Variants in PLSCR1 observed in about 807,000 individuals in gnomAD.
PLSCR1 encodes the protein phospholipid scramblase 1.
PLSCR1 carries 17 observed loss-of-function variants against 37.8 expected under a neutral mutation model. The observed-to-expected ratio is 0.45, with a 90% CI of 0.31 to 0.68. PLSCR1 has a LOEUF of 0.68. Ranked by LOEUF, PLSCR1 falls within the 30% of genes least tolerant of loss-of-function variation. PLSCR1 has a pLI of 0.06. For missense variants in PLSCR1, 347 were observed against 380.9 expected (o/e 0.91, Z 0.74); for synonymous variants, 116 against 125.9 (o/e 0.92, Z 0.53).
chr3:146,525,316 T>G (rs946610639), intron 5 of PLSCR1, among the ~76,000 whole-genome samples: 3 of 152,218 alleles, frequency 2.0e-5, no homozygotes, highest in African/African-American at 7.2e-5. Context: ...GCTTAAGTGG[T>G]AGAAGTCAGA....
chr3:146,532,724 G>T (rs1361800643), intron 3 of PLSCR1, among the ~76,000 whole-genome samples: 1 of 152,166 alleles, frequency 6.6e-6, no homozygotes, highest in Non-Finnish European at 1.5e-5. Context: ...GATGTGGGTA[G>T]CCTGTCTGCT....
intron 1 of PLSCR1, among the ~76,000 whole-genome samples, chr3:146,538,503 T>C (rs1050640022): frequency 1.3e-5 from 2 of 152,156 alleles, no homozygotes; most frequent in Non-Finnish European, 2.9e-5. Flanking sequence ...AGTCTTTACC[T>C]GCCCCTTGCT....
At chr3:146,523,688 G>GGGAACACAGAATATCTAGACCA (rs2044065581) in intron 5 of PLSCR1, among the ~76,000 whole-genome samples, 1 of 152,008 alleles carries the variant, frequency 6.6e-6, no homozygotes, top group African/African-American at 2.4e-5. Context: ...TATCTAGACC[G>GGGAACACAGAATATCTAGACCA]TGGGAATCCT....
chr3:146,527,352 T>C (rs2044131999), intron 4 of PLSCR1, among the ~76,000 whole-genome samples: 1 of 152,210 alleles, frequency 6.6e-6, no homozygotes, highest in East Asian at 1.9e-4. Context: ...TTCTCAACAC[T>C]AAGAAATGAT....
chr3:146,522,001 T>TTTA lies in PLSCR1; in HGVS notation c.407_408insTAA (p.Gly136_Gln137insLys). ...CTTCCGCTGCAAAGTAAACCCTCTG[T>TTTA]CCAAAGCTGTTCTTAATTTCATATT... On this transcript the variant is annotated inframe_insertion, in exon 6 of 9. Transcript: ENST00000342435. 2 of 1,613,150 alleles carry TTTA rather than the reference T, an allele frequency of 1.2e-6. No individual in the cohort carries two copies. The highest frequency in any genetic ancestry group is 1.7e-6 in the Non-Finnish European group (2 of 1,179,086).
chr3:146,520,236 C>G (rs914947224), intron 7 of PLSCR1: 1 of 151,916 alleles, frequency 6.6e-6, no homozygotes, highest in Non-Finnish European at 1.5e-5. Flanking sequence ...TTTAAGGTAT[C>G]CATCAAGAAA....
rs761394661 is a variant in PLSCR1, at chr3:146,533,484, G to A, written c.80C>T (p.Pro27Leu). 1.7e-5 allele frequency: 27 copies of A among 1,593,912 alleles called. No individual in the cohort carries two copies. In the East Asian group the frequency reaches 1.8e-4, roughly 11 times the overall value. ...LPVGYPPQYP[P>L]TAFQGPPGYS... ...AACTGCTTTACCTTGGAATGCTGTC[G>A]GTGGATACTGAGGAGGATACCCAAC... is the stretch of plus-strand genomic sequence containing the variant. Residue 27 changes from proline (P) to leucine (L), a missense_variant, in exon 3 of 9, where the codon CCG becomes CTG. By Grantham distance (98) the Pro-to-Leu change is moderately conservative. Transcript: ENST00000342435.
chr3:146,525,555 C>T (rs764088348), intron 5 of PLSCR1, 50 bp downstream of exon 5: 2 of 943,554 alleles, frequency 2.1e-6, no homozygotes, highest in East Asian at 2.4e-5. Flanking sequence ...CCTTTATCTG[C>T]ATAAACTTCT....
chr3:146,534,987 C>T (rs1293820868), intron 2 of PLSCR1, among the ~76,000 whole-genome samples: 1 of 152,128 alleles, frequency 6.6e-6, no homozygotes, highest in Non-Finnish European at 1.5e-5. Context: ...CATCACAAAT[C>T]TCTGAAACTC....
intron 2 of PLSCR1, among the ~76,000 whole-genome samples, chr3:146,535,809 A>G (rs958296224): frequency 6.6e-6 from 1 of 152,198 alleles, no homozygotes; most frequent in Non-Finnish European, 1.5e-5. Flanking sequence ...CAAGGAGTCT[A>G]GTCCTGGAGA....
At chr3:146,518,058 C>T (rs2043970557) in intron 7 of PLSCR1, among the ~76,000 whole-genome samples, 1 of 152,172 alleles carries the variant, frequency 6.6e-6, no homozygotes. Flanking sequence ...AAATAAACAT[C>T]TAATATGAAG....
chr3:146,532,349 G>A (rs897916670), intron 3 of PLSCR1, among the ~76,000 whole-genome samples: 1 of 152,170 alleles, frequency 6.6e-6, no homozygotes, highest in African/African-American at 2.4e-5. Context: ...CTTCACCTTA[G>A]AATCACTTGG....
chr3:146,541,058 G>C (rs1030050898), intron 1 of PLSCR1: 2 of 152,084 alleles, frequency 1.3e-5, no homozygotes, highest in African/African-American at 4.8e-5. Context: ...GTGAGGCTTT[G>C]AGTATACAGC....
chr3:146,536,860 T>A (rs2044272194), intron 1 of PLSCR1: 1 of 270,660 alleles, frequency 3.7e-6, no homozygotes, highest in Non-Finnish European at 7.1e-6. Flanking sequence ...CACTATGAGC[T>A]AAGACTCCAA....
At chr3:146,516,895 T>G in intron 8 of PLSCR1, 111 bp downstream of exon 8, 2 of 774,070 alleles carry the variant, frequency 2.6e-6, no homozygotes, top group Non-Finnish European at 4.1e-6. Flanking sequence ...GAATCCTGAT[T>G]TAAAATCTAT....
chr3:146,544,132 G>A (rs1231396077), intron 1 of PLSCR1, among the ~76,000 whole-genome samples: 2 of 152,214 alleles, frequency 1.3e-5, no homozygotes, highest in African/African-American at 4.8e-5. Flanking sequence ...GTGTAGCTAA[G>A]GGGAAGCTGA....
At chr3:146,524,522 CAT>C (rs1474565661) in intron 5 of PLSCR1, among the ~76,000 whole-genome samples, 1 of 151,600 alleles carries the variant, frequency 6.6e-6, no homozygotes, top group African/African-American at 2.4e-5. Context: ...ATAATTAACA[CAT>C]ATTTAACAAA....
At position 146,539,753 on chromosome 3, in the gene PLSCR1, G is replaced by A. The variant is rs539627802; in HGVS notation, c.-13-3188C>T. ...CAAAACTACTGCAGTATAAAATCTG[G>A]GTCTTTGCTTTACTATAGGTTTTAG... On this transcript the variant is annotated intron_variant, in intron 1 of 8. Transcript: ENST00000342435. Among the ~76,000 whole-genome samples, 3 of 152,184 alleles carry A rather than the reference G, an allele frequency of 2.0e-5. No individual in the cohort carries two copies. In the South Asian group the frequency reaches 6.2e-4, roughly 32 times the overall value.
chr3:146,522,198 C>A, intron 5 of PLSCR1, 145 bp from the exon 6 acceptor site: 1 of 634,092 alleles, frequency 1.6e-6, no homozygotes, highest in Middle Eastern at 3.8e-4. Context: ...AGAGATGATC[C>A]AGACAGAGAA....
Sources: allele counts gnomAD v4.1 joint callset (sites outside exome capture counted in the v4.1 genomes callset), GRCh38; gene constraint gnomAD v4.1.1; transcripts MANE v1.5; gene names NCBI Gene and HGNC (gene_info 2026-07-23, HGNC 2026-07-21).